CCDC85C: variants seen among roughly 807,000 people sequenced by gnomAD.
CCDC85C encodes the protein coiled-coil domain containing 85C, also known as coiled-coil domain-containing protein 85C.
CCDC85C carries 18 observed loss-of-function variants against 38.3 expected under a neutral mutation model. That is an observed-to-expected ratio of 0.47 (90% confidence interval 0.33 to 0.70). The LOEUF (loss-of-function observed/expected upper bound fraction) is 0.70, where lower values mean the gene tolerates loss of function less well. Ranked by LOEUF, CCDC85C falls within the 30% of genes least tolerant of loss-of-function variation. The pLI, the probability that CCDC85C is intolerant of heterozygous loss-of-function variation, is 0.03. For missense variants in CCDC85C, 566 were observed against 621.2 expected, an observed-to-expected ratio of 0.91 and a Z score of 0.94; for synonymous variants, 264 against 293.8, an observed-to-expected ratio of 0.90 and a Z score of 1.04.
At chr14:99,577,846 C>T (rs1898520539) in intron 1 of CCDC85C, among the ~76,000 whole-genome samples, 1 of 143,718 alleles carries the variant, frequency 7.0e-6, no homozygotes, top group Non-Finnish European at 1.5e-5. Flanking sequence ...CGTCCTGTAT[C>T]CCCCATCAGT....
intron 1 of CCDC85C, among the ~76,000 whole-genome samples, chr14:99,596,342 C>G (rs77380931): frequency 0.028 from 4,331 of 152,290 alleles, 87 homozygotes; most frequent in Non-Finnish European, 0.042. Flanking sequence ...ATGTCTCTGC[C>G]GTTGAGGAAT....
In CCDC85C at chr14:99,504,251, T is replaced by C. The variant is rs1896915977; in HGVS notation, c.*10995A>G. ...TCAGTCCACCTATCATACTGAACTC[T>C]TTGAAGGCACAGACCCTATTGACTC... On this transcript the variant is annotated 3_prime_UTR_variant, in exon 6 of 6. Coordinates refer to ENST00000380243, the MANE Select transcript of CCDC85C (RefSeq NM_001144995.2). 5.7e-6 allele frequency: 1 copy of C among 174,438 alleles called. No individual in the cohort carries two copies. The allele number at this position is 174,438 out of a possible 1,614,324, so 10.8% of individuals were successfully genotyped here.
At chr14:99,585,635 G>A (rs8020028) in intron 1 of CCDC85C, among the ~76,000 whole-genome samples, 15,405 of 152,306 alleles carry the variant, frequency 0.1, 1,323 homozygotes, top group East Asian at 0.3. Context: ...CATACAATGG[G>A]ATGACTGGGA....
chr14:99,578,738 G>A lies in CCDC85C; in HGVS notation c.793+24429C>T, dbSNP rs1233397318. Among the ~76,000 whole-genome samples, 4 of 152,314 alleles carry A rather than the reference G, an allele frequency of 2.6e-5. No homozygotes were observed. In the South Asian group the frequency reaches 8.3e-4, roughly 32 times the overall value. On this transcript the variant is annotated intron_variant, in intron 1 of 5. Coordinates refer to ENST00000380243, the MANE Select transcript of CCDC85C (RefSeq NM_001144995.2). ...GATGGTGAGTTCATCACGTGTAATC[G>A]GGAGACAGGACAATTTTATTTCCTC...
chr14:99,562,205 G>A (rs1246936857), intron 1 of CCDC85C, among the ~76,000 whole-genome samples: 1 of 152,094 alleles, frequency 6.6e-6, no homozygotes, highest in Non-Finnish European at 1.5e-5. Flanking sequence ...CTGACCCTCT[G>A]CCCCCGGGCC....
At chr14:99,540,707 C>T (rs970435371) in intron 1 of CCDC85C, among the ~76,000 whole-genome samples, 1 of 152,206 alleles carries the variant, frequency 6.6e-6, no homozygotes, top group South Asian at 2.1e-4. Flanking sequence ...CAGCTGCCAA[C>T]CGGGGAGGAG....
chr14:99,579,567 C>A (rs2054942753), intron 1 of CCDC85C, among the ~76,000 whole-genome samples: 1 of 152,258 alleles, frequency 6.6e-6, no homozygotes, highest in African/African-American at 2.4e-5. Flanking sequence ...CCCAACTCTT[C>A]CTGGAGCCTT....
intron 2 of CCDC85C, among the ~76,000 whole-genome samples, chr14:99,523,924 C>T (rs1430415190): frequency 6.6e-6 from 1 of 151,254 alleles, no homozygotes; most frequent in African/African-American, 2.4e-5. Context: ...CAAGGAAAGC[C>T]CCCTCCCCAC....
chr14:99,566,707 A>G (rs977272165), intron 1 of CCDC85C, among the ~76,000 whole-genome samples: 1 of 152,008 alleles, frequency 6.6e-6, no homozygotes, highest in Non-Finnish European at 1.5e-5. Context: ...CTGTAAGCAA[A>G]CTCTGCCCCA....
At chr14:99,568,246 CTTTA>C (rs1207552578) in intron 1 of CCDC85C, among the ~76,000 whole-genome samples, 5 of 114,486 alleles carry the variant, frequency 4.4e-5, no homozygotes, top group African/African-American at 1.5e-4. Context: ...GCCACCTGCC[CTTTA>C]TTTTTTTTTT....
At chr14:99,575,899 G>C (rs535390156) in intron 1 of CCDC85C, among the ~76,000 whole-genome samples, 21 of 152,324 alleles carry the variant, frequency 1.4e-4, no homozygotes, top group South Asian at 2.1e-4. Flanking sequence ...GCTGCCTACA[G>C]GGGGCAGAGG....
chr14:99,599,270 G>A (rs866785704), intron 1 of CCDC85C, among the ~76,000 whole-genome samples: 2 of 152,140 alleles, frequency 1.3e-5, no homozygotes, highest in Non-Finnish European at 2.9e-5. Flanking sequence ...AAGTAAATGG[G>A]GCTCATGCAC....
rs376773544 is a variant in CCDC85C at position 99,516,233 on chromosome 14, C to A, written c.1125G>T (p.Glu375Asp). ...TGGCCTTCTCCTTCTCACTCAGGTCCTCCTCACAGCTGTCCTGGAGCTGCC... is the reference window on the plus strand; with the variant it reads ...TGGCCTTCTCCTTCTCACTCAGGTCATCCTCACAGCTGTCCTGGAGCTGCC... The part of the protein sequence containing the change: ...LDRQLQDSCE[E>D]DLSEKEKAIV... The change falls in exon 5 of 6, where the codon GAG becomes GAT. Residue 375 changes from glutamate (E) to aspartate (D), a missense_variant. Coordinates refer to ENST00000380243, the MANE Select transcript of CCDC85C (RefSeq NM_001144995.2). The surrounding 1 kb of genome is among the most constrained non-coding windows in gnomAD (Gnocchi z 5.5). The A allele has an allele frequency of 5.7e-5, 88 of 1,551,206 alleles. No individual in the cohort carries two copies. Among genetic ancestry groups the A allele is most frequent in the Middle Eastern group, 3.3e-4 (2 of 6,012 alleles).
intron 1 of CCDC85C, among the ~76,000 whole-genome samples, chr14:99,586,095 AG>A: frequency 6.6e-6 from 1 of 152,284 alleles, no homozygotes; most frequent in East Asian, 1.9e-4. Flanking sequence ...GGCTCCAAGG[AG>A]GGGGCACCTG....
At chr14:99,551,148 G>A (rs1164991887) in intron 1 of CCDC85C, among the ~76,000 whole-genome samples, 1 of 152,160 alleles carries the variant, frequency 6.6e-6, no homozygotes, top group Non-Finnish European at 1.5e-5. Flanking sequence ...AATTCCATAT[G>A]CGGCAGAGGA....
intron 1 of CCDC85C, among the ~76,000 whole-genome samples, chr14:99,542,685 A>T (rs886996008): frequency 1.3e-5 from 2 of 152,170 alleles, no homozygotes; most frequent in African/African-American, 4.8e-5. Context: ...GAAGGGCCAC[A>T]CTGGCCACAC....
intron 1 of CCDC85C, 117 bp from the exon 2 acceptor site, chr14:99,536,205 C>T (rs1897595934): frequency 1.3e-6 from 1 of 741,140 alleles, no homozygotes; most frequent in Non-Finnish European, 2.4e-6. Context: ...AGTCCCACCC[C>T]ACAGCCAGGT....
intron 1 of CCDC85C, among the ~76,000 whole-genome samples, chr14:99,568,161 G>C (rs2139958063): frequency 6.6e-6 from 1 of 152,218 alleles, no homozygotes; most frequent in South Asian, 2.1e-4. Context: ...AGCAGCCCCA[G>C]GCCCCGTATT....
intron 1 of CCDC85C, among the ~76,000 whole-genome samples, chr14:99,566,713 C>T (rs546971899): frequency 1.8e-4 from 28 of 152,320 alleles, no homozygotes; most frequent in African/African-American, 6.7e-4. Flanking sequence ...GCAAACTCTG[C>T]CCCACGTCCA....
Sources: allele counts gnomAD v4.1 joint callset (sites outside exome capture counted in the v4.1 genomes callset), GRCh38; gene constraint gnomAD v4.1.1; non-coding constraint Gnocchi (gnomAD v3.1); transcripts MANE v1.5; gene names NCBI Gene and HGNC (gene_info 2026-07-23, HGNC 2026-07-21).